ST8SIA1: variants seen among roughly 807,000 people sequenced by gnomAD.
ST8SIA1 encodes alpha-N-acetylneuraminide alpha-2,8-sialyltransferase.
A neutral mutation model predicts 35.9 loss-of-function variants in ST8SIA1; 16 were observed. The ratio of observed to expected loss-of-function variants is 0.45; its 90% CI spans 0.30 to 0.68. The LOEUF is 0.68. ST8SIA1 is among the 30% of genes least tolerant of loss of function. The pLI is 0.09. For synonymous variants in ST8SIA1, 170 were observed against 169.6 expected (o/e 1.00, Z -0.02); for missense variants, 383 against 453.6 (o/e 0.84, Z 1.41).
At chr12:22,319,477 T>C (rs748737514) in intron 1 of ST8SIA1, among the ~76,000 whole-genome samples, 1 of 152,222 alleles carries the variant, frequency 6.6e-6, no homozygotes, top group Non-Finnish European at 1.5e-5. Flanking sequence ...TCTTCTGGCT[T>C]CTTAATTGGT....
Position 22,201,584 on chromosome 12 carries a change from A to C in ST8SIA1, c.1039T>G (p.Cys347Gly), listed in dbSNP as rs926022975. 2 of 1,612,932 alleles carry C rather than the reference A, an allele frequency of 1.2e-6. No individual in the cohort carries two copies. The highest frequency in any genetic ancestry group is 1.7e-6 in the Non-Finnish European group (2 of 1,179,522). ...IGALRMQLDP[C>G]EDTSLQPTS Reference sequence around the variant, plus strand: ...GTGGGCTGGAGTGAGGTATCTTCACATGGGTCCAGCTGCATTCTCAGTGCA... The same window carrying C: ...GTGGGCTGGAGTGAGGTATCTTCACCTGGGTCCAGCTGCATTCTCAGTGCA... The change falls in exon 5 of 5, where the codon TGT becomes GGT. Residue 347 changes from cysteine to glycine, a missense_variant. By Grantham distance (159) the Cys-to-Gly change is radical (BLOSUM62 -3). Coordinates refer to ENST00000396037, the MANE Select transcript of ST8SIA1 (RefSeq NM_003034.4).
intron 4 of ST8SIA1, among the ~76,000 whole-genome samples, chr12:22,236,659 C>T (rs1486974850): frequency 1.3e-5 from 2 of 152,172 alleles, no homozygotes; most frequent in Non-Finnish European, 2.9e-5. Flanking sequence ...GGGTGCAACC[C>T]ACTCTCAGTG....
At position 22,249,043 on chromosome 12, in the gene ST8SIA1, G is replaced by A; in HGVS notation, c.547C>T (p.Gln183Ter). ...ATGCTGGGATTAGCTGTCACTAACT[G>A]ACTTTTGGATCCAACATCCTTAGTG... ...EYTKDVGSKS[Q>*]LVTANPSIIR... The change falls in exon 4 of 5, where the codon CAG (glutamine) becomes TAG (stop). Residue 183 changes from glutamine to a stop codon, truncating the protein, a stop_gained. Transcript: ENST00000396037. LOFTEE classifies it high-confidence loss of function. 3 of 1,613,894 alleles carry A rather than the reference G, an allele frequency of 1.9e-6. No individual in the cohort carries two copies. The highest frequency in any genetic ancestry group is 2.5e-6 in the Non-Finnish European group (3 of 1,179,900).
intron 2 of ST8SIA1, among the ~76,000 whole-genome samples, chr12:22,264,828 T>A (rs1865829018): frequency 6.6e-6 from 1 of 152,232 alleles, no homozygotes; most frequent in Non-Finnish European, 1.5e-5. Flanking sequence ...GTATTCCCCA[T>A]TCTATTAATA....
At chr12:22,272,737 A>G (rs1266313932) in intron 2 of ST8SIA1, among the ~76,000 whole-genome samples, 2 of 152,264 alleles carry the variant, frequency 1.3e-5, no homozygotes, top group Admixed American at 1.3e-4. Context: ...CCAAGGCTCC[A>G]ACACAAGAAC....
chr12:22,297,475 A>C (rs1246512096), intron 1 of ST8SIA1, among the ~76,000 whole-genome samples: 1 of 151,788 alleles, frequency 6.6e-6, no homozygotes, highest in Non-Finnish European at 1.5e-5. Context: ...ATTCAAAATT[A>C]TTTTCTGAGA....
chr12:22,261,027 C>T (rs1229377658), intron 2 of ST8SIA1, among the ~76,000 whole-genome samples: 1 of 151,880 alleles, frequency 6.6e-6, no homozygotes, highest in Admixed American at 6.6e-5. Flanking sequence ...CAGGCATGTA[C>T]CACCATGCCT....
intron 1 of ST8SIA1, among the ~76,000 whole-genome samples, chr12:22,303,887 C>A (rs928740719): frequency 1.4e-4 from 21 of 149,934 alleles, no homozygotes; most frequent in African/African-American, 5.1e-4. Context: ...CACACACACA[C>A]AAAAGTGGTG....
At chr12:22,320,983 GAAAGAAAGAAAGAAAGAAAGAAGA>G (rs1565595906) in intron 1 of ST8SIA1, among the ~76,000 whole-genome samples, 17 of 117,774 alleles carry the variant, frequency 1.4e-4, no homozygotes, top group African/African-American at 6.3e-4. Flanking sequence ...AAGAAAGAAA[GAAAGAAAGAAAGAAAGAAAGAAGA>G]AAGAAAGAAA....
intron 4 of ST8SIA1, among the ~76,000 whole-genome samples, chr12:22,243,691 C>A (rs1865565951): frequency 6.6e-6 from 1 of 152,214 alleles, no homozygotes; most frequent in African/African-American, 2.4e-5. Context: ...CAGAGCTTCA[C>A]AACACTGACA....
chr12:22,326,789 C>G (rs546882830), intron 1 of ST8SIA1, among the ~76,000 whole-genome samples: 10 of 152,286 alleles, frequency 6.6e-5, no homozygotes, highest in African/African-American at 2.4e-4. Context: ...GGTTAAGTAA[C>G]TTGCCCAAGG....
At chr12:22,296,137 C>A (rs1180656867) in intron 1 of ST8SIA1, among the ~76,000 whole-genome samples, 4 of 152,218 alleles carry the variant, frequency 2.6e-5, no homozygotes, top group East Asian at 3.9e-4. Context: ...AGGAGCATGC[C>A]TGGTATGCTG....
intron 3 of ST8SIA1, among the ~76,000 whole-genome samples, chr12:22,253,486 T>C (rs1235069334): frequency 6.6e-6 from 1 of 152,132 alleles, no homozygotes; most frequent in African/African-American, 2.4e-5. Context: ...TTTCTCTGCT[T>C]AGGGTGAAAC....
intron 4 of ST8SIA1, among the ~76,000 whole-genome samples, chr12:22,226,901 T>C (rs1297310859): frequency 6.6e-6 from 1 of 152,118 alleles, no homozygotes; most frequent in African/African-American, 2.4e-5. Flanking sequence ...TGCGAAAGCA[T>C]GTTTATATGC....
chr12:22,240,887 T>C (rs990840728), intron 4 of ST8SIA1, among the ~76,000 whole-genome samples: 2 of 152,170 alleles, frequency 1.3e-5, no homozygotes, highest in Non-Finnish European at 2.9e-5. Context: ...AATTAAAAGT[T>C]ATGCATTTAC....
rs1015119554 is a variant in ST8SIA1 at position 22,196,215 on chromosome 12, G to A, written c.*5337C>T. On this transcript the variant is annotated 3_prime_UTR_variant, in exon 5 of 5. Coordinates refer to ENST00000396037, the MANE Select transcript of ST8SIA1 (RefSeq NM_003034.4). ...AGGCATGTAAGTCAATTTAAAATAT[G>A]GTATTTATTCCTTATGTATTAGAGA... 7.2e-5 allele frequency: 11 copies of A among 152,220 alleles called. No homozygotes were observed. Among genetic ancestry groups the A allele is most frequent in the South Asian group, 2.1e-4 (1 of 4,822 alleles). The allele number at this position is 152,220 out of a possible 1,614,324, so 9.4% of individuals were successfully genotyped here.
At chr12:22,316,168 G>C (rs1866517359) in intron 1 of ST8SIA1, among the ~76,000 whole-genome samples, 1 of 152,086 alleles carries the variant, frequency 6.6e-6, no homozygotes, top group Non-Finnish European at 1.5e-5. Flanking sequence ...ATTTGAACTT[G>C]CAAAACAATC....
intron 2 of ST8SIA1, among the ~76,000 whole-genome samples, chr12:22,266,833 A>G (rs1022467554): frequency 6.9e-6 from 1 of 144,812 alleles, no homozygotes; most frequent in African/African-American, 2.5e-5. Flanking sequence ...ACACCCACAC[A>G]CATACACAAA....
intron 1 of ST8SIA1, among the ~76,000 whole-genome samples, chr12:22,315,732 G>A (rs1177564105): frequency 1.3e-5 from 2 of 149,658 alleles, no homozygotes; most frequent in Non-Finnish European, 3.0e-5. Context: ...AGTAGTTAGG[G>A]CAAGCAAATA....
Sources: allele counts gnomAD v4.1 joint callset (sites outside exome capture counted in the v4.1 genomes callset), GRCh38; gene constraint gnomAD v4.1.1; transcripts MANE v1.5; gene names NCBI Gene and HGNC (gene_info 2026-07-23, HGNC 2026-07-21).